Variants in SPATA21 observed in about 807,000 individuals in gnomAD.
SPATA21 encodes the protein spermatogenesis-associated protein 21.
In SPATA21, 47 loss-of-function variants were observed where a neutral mutation model predicts 54.8. The ratio of observed to expected loss-of-function variants is 0.86; its 90% CI spans 0.68 to 1.09. The LOEUF (loss-of-function observed/expected upper bound fraction) is 1.09, where lower values mean the gene tolerates loss of function less well. Ranked by LOEUF, SPATA21 falls within the 50% of genes least tolerant of loss-of-function variation. The probability of loss-of-function intolerance (pLI) is 0.00; values close to 1 mark genes in which losing one functional copy is unlikely to be tolerated. For synonymous variants in SPATA21, 245 were observed against 235.3 expected, an observed-to-expected ratio of 1.04 and a Z score of -0.38; for missense variants, 599 against 596.4, an observed-to-expected ratio of 1.00 and a Z score of -0.05.
In SPATA21 at chr1:16,403,738, C is replaced by T; in HGVS notation, c.990G>A (p.Glu330=). 6.2e-7 allele frequency: 1 copy of T among 1,613,862 alleles called. No individual in the cohort carries two copies. Residue 330 remains glutamate (E), a synonymous_variant, in exon 10 of 13, where the codon GAG becomes GAA. Coordinates refer to ENST00000335496, the MANE Select transcript of SPATA21 (RefSeq NM_198546.1). ...CCGGCCCCACTCACTTTGTGATTTCCTCTAAGACTGCCTCTGGTAAGGCCA... is the reference window on the plus strand; with the variant it reads ...CCGGCCCCACTCACTTTGTGATTTCTTCTAAGACTGCCTCTGGTAAGGCCA... The part of the protein sequence containing the change: ...EMLALPEAVL[E]EITNYYQKKL...
In SPATA21 at chr1:16,398,801, T is replaced by C; in HGVS notation, c.1374A>G (p.Arg458=). 4 of 1,613,596 alleles carry C rather than the reference T, an allele frequency of 2.5e-6. No individual in the cohort carries two copies. Among genetic ancestry groups the C allele is most frequent in the Non-Finnish European group, 3.4e-6 (4 of 1,179,720 alleles). ...GAGCTGGCACAGAGCTGAGCCACTT[T>C]CTGCTGTCAGAGTTGTGTTCCCTGG... ...QGNREHNSDS[R]KWLSSVPART... Residue 458 remains arginine, a synonymous_variant, in exon 13 of 13, where the codon AGA becomes AGG. Transcript: ENST00000335496.
At chr1:16,411,643 C>T (rs182444040) in intron 5 of SPATA21, among the ~76,000 whole-genome samples, 148 of 151,874 alleles carry the variant, frequency 9.7e-4, no homozygotes, top group African/African-American at 1.9e-3. Flanking sequence ...ACAAAAAATT[C>T]GCCGGGTGTG....
chr1:16,427,902 C>T, intron 3 of SPATA21: 1 of 1,550,094 alleles, frequency 6.5e-7, no homozygotes, highest in Non-Finnish European at 8.7e-7. Flanking sequence ...GGATTCTGAG[C>T]TCTGAAGGCC....
chr1:16,400,961 A>G (rs146963906), intron 10 of SPATA21, 69 bp from the exon 11 acceptor site: 3 of 1,539,852 alleles, frequency 1.9e-6, no homozygotes, highest in South Asian at 2.5e-5. Flanking sequence ...CTCAGCCCCT[A>G]TCTCTCTGGC....
chr1:16,401,953 G>A (rs1422175905), intron 10 of SPATA21, among the ~76,000 whole-genome samples: 1 of 152,108 alleles, frequency 6.6e-6, no homozygotes, highest in Non-Finnish European at 1.5e-5. Context: ...ATCCACACAG[G>A]GTCCCTGTAT....
chr1:16,403,713 C>G lies in SPATA21; in HGVS notation c.1001+14G>C, dbSNP rs767436093. ...GTCCACAACCCTTCACCCCCAACAA[C>G]CGGCCCCACTCACTTTGTGATTTCC... On this transcript the variant is annotated intron_variant, in intron 10 of 12. Transcript: ENST00000335496. The G allele has an allele frequency of 1.2e-6, 2 of 1,607,664 alleles. No individual in the cohort carries two copies. The highest frequency in any genetic ancestry group is 2.2e-5 in the South Asian group (2 of 90,860).
At chr1:16,424,241 A>T (rs1382537406) in intron 3 of SPATA21, among the ~76,000 whole-genome samples, 1 of 1,526 alleles carries the variant, frequency 6.6e-4, no homozygotes, top group African/African-American at 2.9e-3. Context: ...TGAACCTGGG[A>T]GGCAGAGCTT....
rs1225831121 is a variant in SPATA21, at chr1:16,404,988, G to A, written c.790C>T (p.Leu264=). 5 of 1,604,170 alleles carry A rather than the reference G, an allele frequency of 3.1e-6. No homozygotes were observed. In the African/African-American group the frequency reaches 5.4e-5, roughly 17 times the overall value. The change falls in exon 8 of 13, where the codon CTG becomes TTG. Residue 264 remains leucine, a synonymous_variant. Coordinates refer to ENST00000335496, the MANE Select transcript of SPATA21 (RefSeq NM_198546.1). The part of the protein sequence containing the change: ...SVTLAQVEDA[L]MSADVNGDGR... ...TCACCATTGACATCAGCACTCATCA[G>A]GGCGTCCTCCACCTGGGCCAGCGTC... is the stretch of plus-strand genomic sequence containing the variant.
intron 3 of SPATA21, among the ~76,000 whole-genome samples, chr1:16,424,226 T>A (rs1557668419): frequency 1.0e-5 from 1 of 97,234 alleles, no homozygotes. Context: ...GGCAGGAGAA[T>A]GGCATGAACC....
rs1429462940 is a variant in SPATA21 at position 16,421,239 on chromosome 1, C to T, written c.144+270G>A. 1.3e-5 allele frequency among the ~76,000 whole-genome samples: 2 copies of T among 152,036 alleles called. No homozygotes were observed. Among genetic ancestry groups the T allele is most frequent in the Non-Finnish European group, 2.9e-5 (2 of 67,990 alleles). On this transcript the variant is annotated intron_variant, in intron 5 of 12. Transcript: ENST00000335496. This position sits in a 1 kb window ranked among gnomAD's most constrained non-coding sequence, Gnocchi z 5.2. ...TCCATGCTGATGTGGAACAAGCCAC[C>T]ACCTGGGATGAACCCAAGGGCTCCA...
Position 16,400,824 on chromosome 1 carries a change from A to G in SPATA21, c.1070T>C (p.Leu357Pro). ...AQEMEAAVGR[L>P]RLQKLPYNPQ... Reference sequence around the variant, plus strand: ...GTTGTAGGGAAGCTTCTGCAACCGCAGCCGGCCTACGGCCGCTTCCATCTC... The same window carrying G: ...GTTGTAGGGAAGCTTCTGCAACCGCGGCCGGCCTACGGCCGCTTCCATCTC... Residue 357 changes from leucine (L) to proline (P), a missense_variant, in exon 11 of 13, where the codon CTG (leucine) becomes CCG (proline). Leu to Pro is a moderately conservative substitution (Grantham distance 98). Transcript: ENST00000335496. The G allele has an allele frequency of 6.2e-7, 1 of 1,614,202 alleles. No homozygotes were observed.
downstream of SPATA21, chr1:16,397,956 A>G (rs572345201): frequency 4.4e-5 from 27 of 617,144 alleles, no homozygotes; most frequent in African/African-American, 4.4e-4. This position sits in a 1 kb window ranked among gnomAD's most constrained non-coding sequence, Gnocchi z 5.4. Flanking sequence ...GTGTGATCCC[A>G]GGGGTGCACA....
At chr1:16,410,925 A>C (rs1219454105) in intron 5 of SPATA21, 1 of 246,682 alleles carries the variant, frequency 4.1e-6, no homozygotes, top group Non-Finnish European at 8.5e-6. Flanking sequence ...CCTGACCAGA[A>C]GGTAAGCATT....
chr1:16,409,156 T>A lies in SPATA21; in HGVS notation c.635A>T (p.Glu212Val). The A allele has an allele frequency of 6.2e-7, 1 of 1,614,108 alleles. No homozygotes were observed. Among genetic ancestry groups the A allele is most frequent in the South Asian group, 1.1e-5 (1 of 91,084 alleles). The change falls in exon 7 of 13, where the codon GAG (glutamate) becomes GTG (valine). Residue 212 changes from glutamate (E) to valine (V), a missense_variant. Coordinates refer to ENST00000335496, the MANE Select transcript of SPATA21 (RefSeq NM_198546.1). This position sits in a 1 kb window ranked among gnomAD's most constrained non-coding sequence, Gnocchi z 4.1. Reference sequence around the variant, plus strand: ...CAGGGTCAGTTGCTCCTCGGACTTCTCCCGGTTTTGATAAAGCTTTTGGAG... The same window carrying A: ...CAGGGTCAGTTGCTCCTCGGACTTCACCCGGTTTTGATAAAGCTTTTGGAG... ...QSLQKLYQNR[E>V]KSEEQLTLKQ... is the part of the protein sequence containing the mutation.
chr1:16,422,186 T>C, intron 3 of SPATA21: 2 of 1,434,980 alleles, frequency 1.4e-6, no homozygotes, highest in Non-Finnish European at 1.8e-6. Flanking sequence ...TGGATTGATA[T>C]CCGGAGCCCT....
chr1:16,405,510 A>C (rs1433550105), intron 7 of SPATA21, among the ~76,000 whole-genome samples: 3 of 150,008 alleles, frequency 2.0e-5, no homozygotes, highest in East Asian at 1.9e-4. Context: ...AAAAAAAAAA[A>C]AAAAACTGGG....
In SPATA21 at chr1:16,410,063, T is replaced by TG; in HGVS notation, c.145-21_145-20insC. 1 of 1,521,440 alleles carries TG rather than the reference T, an allele frequency of 6.6e-7. No individual in the cohort carries two copies. The highest frequency in any genetic ancestry group is 2.3e-5 in the East Asian group (1 of 43,804). 94.2% of individuals were successfully genotyped at this position (1,521,440 alleles called of 1,614,324 possible). On this transcript the variant is annotated intron_variant, in intron 5 of 12. Coordinates refer to ENST00000335496, the MANE Select transcript of SPATA21 (RefSeq NM_198546.1). Reference sequence around the variant, plus strand: ...CACCTCCTGGGGACAGGGGAGGGGATCCAGGAGGCCTCTAGTGGGCCAGAG... The same window carrying TG: ...CACCTCCTGGGGACAGGGGAGGGGATGCCAGGAGGCCTCTAGTGGGCCAGAG...
In SPATA21 at chr1:16,409,081, G is replaced by T; in HGVS notation, c.673+37C>A. 1 of 1,607,494 alleles carries T rather than the reference G, an allele frequency of 6.2e-7. No individual in the cohort carries two copies. Among genetic ancestry groups the T allele is most frequent in the East Asian group, 2.2e-5 (1 of 44,780 alleles). ...TAAACCCCCAAGGACCAAGGGTCCT[G>T]CCTGTGCTGGGACCTCCCTGACCTC... On this transcript the variant is annotated intron_variant, in intron 7 of 12. Transcript: ENST00000335496. This position sits in a 1 kb window ranked among gnomAD's most constrained non-coding sequence, Gnocchi z 4.1.
chr1:16,421,995 G>A lies in SPATA21; in HGVS notation c.35-24C>T. On this transcript the variant is annotated intron_variant, in intron 3 of 12. Transcript: ENST00000335496. This position sits in a 1 kb window ranked among gnomAD's most constrained non-coding sequence, Gnocchi z 5.2. Reference sequence around the variant, plus strand: ...CTCTGGAGCCACGACGGACATTGGGGGCATTGCTTCCTGAGAGCTGTCCCC... The same window carrying A: ...CTCTGGAGCCACGACGGACATTGGGAGCATTGCTTCCTGAGAGCTGTCCCC... The A allele has an allele frequency of 6.2e-7, 1 of 1,614,206 alleles. No individual in the cohort carries two copies. The highest frequency in any genetic ancestry group is 8.5e-7 in the Non-Finnish European group (1 of 1,180,032).
Sources: allele counts gnomAD v4.1 joint callset (sites outside exome capture counted in the v4.1 genomes callset), GRCh38; gene constraint gnomAD v4.1.1; non-coding constraint Gnocchi (gnomAD v3.1); transcripts MANE v1.5; gene names NCBI Gene and HGNC (gene_info 2026-07-23, HGNC 2026-07-21).